The following ZNF385D variants were observed in gnomAD, a reference collection of about 807,000 sequenced individuals.
The protein encoded by ZNF385D is zinc finger protein 659.
ZNF385D carries 15 observed loss-of-function variants against 35.8 expected under a neutral mutation model. That is an observed-to-expected ratio of 0.42 (90% CI 0.28 to 0.64). The LOEUF is 0.64. Ranked by LOEUF, ZNF385D falls within the 30% of genes least tolerant of loss-of-function variation. The pLI is 0.23. For missense variants in ZNF385D, 474 were observed against 494.6 expected, an observed-to-expected ratio of 0.96 and a Z score of 0.39; for synonymous variants, 212 against 186.8, an observed-to-expected ratio of 1.13 and a Z score of -1.10.
chr3:21,548,648 C>A (rs1387183751), intron 3 of ZNF385D, among the ~76,000 whole-genome samples: 3 of 152,140 alleles, frequency 2.0e-5, no homozygotes, highest in African/African-American at 7.2e-5. Context: ...TTCTATATCC[C>A]AGCAATTCCT....
At chr3:21,977,094 A>T (rs1703676163) in intron 3 of ZNF385D, among the ~76,000 whole-genome samples, 1 of 152,204 alleles carries the variant, frequency 6.6e-6, no homozygotes. Flanking sequence ...TACGTGTTGC[A>T]TGATGCCATT....
chr3:21,421,290 A>G lies in ZNF385D; in HGVS notation c.1112T>C (p.Leu371Pro). ...AGCTGGCCGCAGGAGTGCCGGAGGA[A>G]GCGCGGAAGTCTGGAACAGTGTTGC... is the stretch of plus-strand genomic sequence containing the variant. ...PAATLFQTSA[L>P]PPALLRPAPG... The change falls in exon 8 of 8, where the codon CTT becomes CCT. Residue 371 changes from leucine (L) to proline (P), a missense_variant. Physicochemically the swap from Leu to Pro is moderately conservative, Grantham distance 98. Coordinates refer to ENST00000281523, the MANE Select transcript of ZNF385D (RefSeq NM_024697.3). The G allele has an allele frequency of 6.2e-7, 1 of 1,614,106 alleles. No individual in the cohort carries two copies.
At chr3:21,826,370 C>T (rs981500811) in intron 3 of ZNF385D, among the ~76,000 whole-genome samples, 8 of 152,178 alleles carry the variant, frequency 5.3e-5, no homozygotes, top group Non-Finnish European at 1.0e-4. Context: ...CACAGTGGCC[C>T]TGTTCAGTGC....
At chr3:21,566,049 C>CTAT (rs756465109) in intron 2 of ZNF385D, among the ~76,000 whole-genome samples, 6 of 152,132 alleles carry the variant, frequency 3.9e-5, no homozygotes, top group Non-Finnish European at 7.3e-5. Flanking sequence ...TTCACAACTC[C>CTAT]TATTAGGTTG....
intron 2 of ZNF385D, among the ~76,000 whole-genome samples, chr3:22,268,173 G>A (rs1700990642): frequency 6.6e-6 from 1 of 151,914 alleles, no homozygotes; most frequent in Non-Finnish European, 1.5e-5. Flanking sequence ...CTACTGCATG[G>A]ATGACAACCC....
At chr3:22,291,935 G>A (rs1702321673) in intron 2 of ZNF385D, among the ~76,000 whole-genome samples, 1 of 151,750 alleles carries the variant, frequency 6.6e-6, no homozygotes, top group African/African-American at 2.4e-5. Context: ...TCTTATTTTG[G>A]TATCATAATC....
chr3:22,028,004 G>A (rs537677390), intron 3 of ZNF385D, among the ~76,000 whole-genome samples: 1 of 152,070 alleles, frequency 6.6e-6, no homozygotes, highest in African/African-American at 2.4e-5. Context: ...GCAGAACTTC[G>A]AGCAGTGCAC....
rs893372221 is a variant in ZNF385D at position 21,817,748 on chromosome 3, A to AT, written c.326-152721dup. ...GGTGGGACTGTAAACTAGTTCAACC[A>AT]TGTGGAAGGCAGTGTGGTGATTCCT... On this transcript the variant is annotated intron_variant, in intron 3 of 5. Transcript: ENST00000494108. 9.1e-4 allele frequency among the ~76,000 whole-genome samples: 138 copies of AT among 152,338 alleles called. 1 individual carries two copies. Among genetic ancestry groups the AT allele is most frequent in the African/African-American group, 3.2e-3 (135 of 41,582 alleles).
At chr3:21,797,130 T>C (rs893142013) in intron 3 of ZNF385D, among the ~76,000 whole-genome samples, 6 of 152,192 alleles carry the variant, frequency 3.9e-5, no homozygotes, top group African/African-American at 1.2e-4. Flanking sequence ...CAAAGAACTA[T>C]TCAAGCTCAA....
In ZNF385D at chr3:22,237,209, A is replaced by G. The variant is rs558295892; in HGVS notation, c.107-68174T>C. On this transcript the variant is annotated intron_variant, in intron 2 of 5. Coordinates refer to the ZNF385D transcript ENST00000494108. ...TAGTTAATATCCTTTTTTTTTTATT[A>G]CAGCCATTCTCTGTAGTATAAAGTA... Among the ~76,000 whole-genome samples the G allele has an allele frequency of 4.9e-4, 74 of 151,874 alleles. 1 individual carries two copies. Among genetic ancestry groups the G allele is most frequent in the African/African-American group, 1.6e-3 (68 of 41,416 alleles).
intron 3 of ZNF385D, among the ~76,000 whole-genome samples, chr3:21,824,386 C>T (rs1209182788): frequency 6.6e-6 from 1 of 152,124 alleles, no homozygotes; most frequent in Non-Finnish European, 1.5e-5. Flanking sequence ...CTATGCATAC[C>T]TATAAAATCA....
intron 3 of ZNF385D, among the ~76,000 whole-genome samples, chr3:21,973,083 T>C (rs1338409902): frequency 6.6e-6 from 1 of 151,906 alleles, no homozygotes; most frequent in African/African-American, 2.4e-5. Context: ...AGGATTACAC[T>C]GATAATAAAA....
At chr3:21,508,969 C>CTTTTTTT (rs200174782) in intron 4 of ZNF385D, among the ~76,000 whole-genome samples, 3 of 142,406 alleles carry the variant, frequency 2.1e-5, no homozygotes. Context: ...CACCTGGGGG[C>CTTTTTTT]TTTTTTTTTT....
intron 3 of ZNF385D, among the ~76,000 whole-genome samples, chr3:22,062,889 A>C (rs968896254): frequency 1.3e-5 from 2 of 152,192 alleles, no homozygotes; most frequent in Non-Finnish European, 2.9e-5. Context: ...CTTCATGAAA[A>C]TGTATCCTTC....
At chr3:21,699,124 G>A (rs2067578191) in intron 1 of ZNF385D, among the ~76,000 whole-genome samples, 1 of 152,180 alleles carries the variant, frequency 6.6e-6, no homozygotes, top group Non-Finnish European at 1.5e-5. Context: ...TAAAGAAAAT[G>A]TGGCACATAT....
chr3:22,330,250 A>T (rs1183397588), intron 2 of ZNF385D, among the ~76,000 whole-genome samples: 1 of 152,140 alleles, frequency 6.6e-6, no homozygotes, highest in East Asian at 1.9e-4. Context: ...GTATTTGTCC[A>T]TTTAAGAATT....
chr3:21,938,206 G>A (rs545207018), intron 3 of ZNF385D, among the ~76,000 whole-genome samples: 10 of 152,272 alleles, frequency 6.6e-5, no homozygotes, highest in African/African-American at 2.2e-4. Context: ...TAATACCTAA[G>A]TAGGTTTTGA....
At chr3:21,495,338 T>C (rs1705750391) in intron 4 of ZNF385D, among the ~76,000 whole-genome samples, 1 of 151,858 alleles carries the variant, frequency 6.6e-6, no homozygotes, top group African/African-American at 2.4e-5. Flanking sequence ...AAATAGAAAG[T>C]ATGGCAAAAA....
At chr3:22,014,045 C>T (rs76877037) in intron 3 of ZNF385D, among the ~76,000 whole-genome samples, 7,517 of 151,954 alleles carry the variant, frequency 0.049, 263 homozygotes, top group East Asian at 0.16. Flanking sequence ...AATACAGATA[C>T]GTCAGGAATG....
Sources: gnomAD v4.1 joint callset for allele counts (sites outside exome capture counted in the v4.1 genomes callset) on GRCh38, gnomAD v4.1.1 for gene constraint, MANE v1.5 for transcripts, NCBI Gene and HGNC (gene_info 2026-07-23, HGNC 2026-07-21) for gene names.